Variants in CEP128 observed in about 807,000 individuals in gnomAD.
CEP128 encodes centrosomal protein 128.
Under a neutral mutation model 156.7 loss-of-function variants are expected in CEP128, and 132 were observed. The observed-to-expected ratio is 0.84, with a 90% CI of 0.73 to 0.97. The LOEUF is 0.97. CEP128 is among the 50% of genes least tolerant of loss of function. The probability of loss-of-function intolerance (pLI) is 0.00; values close to 1 mark genes in which losing one functional copy is unlikely to be tolerated. For missense variants in CEP128, 1,252 were observed against 1,281.9 expected (o/e 0.98, Z 0.36); for synonymous variants, 469 against 448.9 (o/e 1.04, Z -0.57).
intron 18 of CEP128, among the ~76,000 whole-genome samples, chr14:80,750,535 G>A (rs543901268): frequency 6.6e-6 from 1 of 152,252 alleles, no homozygotes; most frequent in South Asian, 2.1e-4. Flanking sequence ...ATCGGTCCCA[G>A]CATGATCCTC....
chr14:80,500,145 T>G (rs535731335), intron 24 of CEP128, among the ~76,000 whole-genome samples: 9 of 152,336 alleles, frequency 5.9e-5, no homozygotes, highest in African/African-American at 2.2e-4. Flanking sequence ...TAAAACAAAC[T>G]TTCATTAATG....
intron 9 of CEP128, among the ~76,000 whole-genome samples, chr14:80,851,155 G>A (rs1886868981): frequency 6.6e-6 from 1 of 152,078 alleles, no homozygotes; most frequent in South Asian, 2.1e-4. Context: ...CCTGTTCAGT[G>A]AGCTCTGTGT....
In CEP128 at chr14:80,929,826, T is replaced by C. The variant is rs542893593; in HGVS notation, c.-16+9559A>G. 2.3e-4 allele frequency among the ~76,000 whole-genome samples: 35 copies of C among 152,248 alleles called. No individual in the cohort carries two copies. In the East Asian group the frequency reaches 6.6e-3, roughly 29 times the overall value. On this transcript the variant is annotated intron_variant, in intron 2 of 24. Transcript: ENST00000555265. ...CCAGACTTCACCACTATACGATTCA[T>C]CCATGTAACCAAAAACCACTTACAT...
At chr14:80,797,589 G>A (rs1198224256) in intron 13 of CEP128, among the ~76,000 whole-genome samples, 1 of 152,014 alleles carries the variant, frequency 6.6e-6, no homozygotes, top group Non-Finnish European at 1.5e-5. Context: ...CATTGTTTCG[G>A]CATTTCTTTA....
At chr14:80,951,480 A>C (rs1268506014) in intron 2 of CEP128, among the ~76,000 whole-genome samples, 2 of 152,158 alleles carry the variant, frequency 1.3e-5, no homozygotes, top group East Asian at 3.8e-4. Flanking sequence ...TACATGCTAT[A>C]AACCTTAAAG....
At position 80,912,771 on chromosome 14, in the gene CEP128, A is replaced by T. The variant is rs954061514; in HGVS notation, c.234+1551T>A. Among the ~76,000 whole-genome samples, 30 of 149,320 alleles carry T rather than the reference A, an allele frequency of 2.0e-4. 1 individual carries two copies. The highest frequency in any genetic ancestry group is 6.9e-4 in the African/African-American group (27 of 38,996). On this transcript the variant is annotated intron_variant, in intron 4 of 24. Coordinates refer to ENST00000555265, the MANE Select transcript of CEP128 (RefSeq NM_152446.5). ...CAACTATACCTTTACTTGTAAAAAA[A>T]AATAATAATAATAACAAGCCGTCAA...
At chr14:80,543,832 C>T (rs1419239160) in intron 21 of CEP128, among the ~76,000 whole-genome samples, 1 of 152,106 alleles carries the variant, frequency 6.6e-6, no homozygotes, top group African/African-American at 2.4e-5. Context: ...ACTCAGGCCC[C>T]CTCCCCTACT....
chr14:80,919,985 T>G (rs1183703409), intron 2 of CEP128, among the ~76,000 whole-genome samples: 2 of 152,248 alleles, frequency 1.3e-5, no homozygotes, highest in Non-Finnish European at 2.9e-5. Context: ...TTTTTAAGCA[T>G]ATGAAACATT....
At chr14:80,716,507 T>C (rs1212412205) in intron 19 of CEP128, among the ~76,000 whole-genome samples, 20 of 152,244 alleles carry the variant, frequency 1.3e-4, no homozygotes, top group Admixed American at 1.3e-3. Context: ...ACATAATATG[T>C]GTTCCCTTAT....
At chr14:80,922,854 G>A (rs1294888759) in intron 2 of CEP128, among the ~76,000 whole-genome samples, 1 of 152,154 alleles carries the variant, frequency 6.6e-6, no homozygotes, top group Non-Finnish European at 1.5e-5. Context: ...ACAATTTAAA[G>A]AAACAGAAAT....
Position 80,599,152 on chromosome 14 carries a change from G to A in CEP128, c.2807-18729C>T, listed in dbSNP as rs190704904. 7.2e-5 allele frequency among the ~76,000 whole-genome samples: 11 copies of A among 152,016 alleles called. No individual in the cohort carries two copies. In the East Asian group the frequency reaches 1.9e-3, roughly 27 times the overall value. Reference sequence around the variant, plus strand: ...CAGAAGTATTTTGGGCACAATGACAGATAATGGATCTTAAATTTTAATTGG... The same window carrying A: ...CAGAAGTATTTTGGGCACAATGACAAATAATGGATCTTAAATTTTAATTGG... On this transcript the variant is annotated intron_variant, in intron 19 of 24. Transcript: ENST00000555265.
intron 2 of CEP128, among the ~76,000 whole-genome samples, chr14:80,954,632 A>C (rs1284702253): frequency 6.6e-6 from 1 of 152,194 alleles, no homozygotes; most frequent in African/African-American, 2.4e-5. Flanking sequence ...AGTTCATATA[A>C]AAGGAATTAT....
intron 24 of CEP128, among the ~76,000 whole-genome samples, chr14:80,502,108 G>GT (rs892542072): frequency 5.9e-5 from 9 of 152,270 alleles, no homozygotes; most frequent in African/African-American, 2.2e-4. Context: ...TGCCTATGGG[G>GT]TAGGCCTGTT....
chr14:80,808,796 C>A (rs1439843568), intron 13 of CEP128, among the ~76,000 whole-genome samples: 3 of 151,994 alleles, frequency 2.0e-5, no homozygotes, highest in Non-Finnish European at 4.4e-5. Context: ...ACTATGCTAC[C>A]ACATGCACCC....
chr14:80,583,957 G>A (rs1566793441), intron 19 of CEP128, among the ~76,000 whole-genome samples: 1 of 152,074 alleles, frequency 6.6e-6, no homozygotes, highest in Admixed American at 6.6e-5. Flanking sequence ...AGATCACCTA[G>A]TTAGTACAAA....
intron 5 of CEP128, among the ~76,000 whole-genome samples, chr14:80,905,317 T>A (rs987908003): frequency 6.6e-6 from 1 of 152,072 alleles, no homozygotes; most frequent in Non-Finnish European, 1.5e-5. Flanking sequence ...CTGAACAGCA[T>A]ATAAAAATAA....
intron 19 of CEP128, among the ~76,000 whole-genome samples, chr14:80,724,621 G>C (rs1237913799): frequency 6.6e-6 from 1 of 151,946 alleles, no homozygotes; most frequent in Non-Finnish European, 1.5e-5. Context: ...TAACGATAAA[G>C]ACACATACTA....
intron 8 of CEP128, among the ~76,000 whole-genome samples, chr14:80,873,994 G>A (rs991016371): frequency 9.2e-5 from 14 of 152,060 alleles, no homozygotes; most frequent in African/African-American, 3.4e-4. Context: ...CAGCCATGTG[G>A]AACTGTAAGT....
intron 16 of CEP128, among the ~76,000 whole-genome samples, chr14:80,770,388 A>G (rs559221726): frequency 6.6e-6 from 1 of 152,180 alleles, no homozygotes; most frequent in Non-Finnish European, 1.5e-5. Context: ...ACAGCTGCAC[A>G]TATAAATGCA....
Sources: gnomAD v4.1 joint callset for allele counts (sites outside exome capture counted in the v4.1 genomes callset) on GRCh38, gnomAD v4.1.1 for gene constraint, MANE v1.5 for transcripts, NCBI Gene and HGNC (gene_info 2026-07-23, HGNC 2026-07-21) for gene names.